The following CTR9 variants were observed in gnomAD, a reference collection of about 807,000 sequenced individuals.
CTR9 encodes the protein RNA polymerase-associated protein CTR9 homolog.
Under a neutral mutation model 152.1 loss-of-function variants are expected in CTR9, and 41 were observed. The ratio of observed to expected loss-of-function variants is 0.27; its 90% CI spans 0.21 to 0.35. The LOEUF is 0.35. Ranked by LOEUF, CTR9 falls within the 10% of genes least tolerant of loss-of-function variation. The probability of loss-of-function intolerance (pLI) is 1.00; values close to 1 mark genes in which losing one functional copy is unlikely to be tolerated. For missense variants in CTR9, 917 were observed against 1,424.4 expected, an observed-to-expected ratio of 0.64 and a Z score of 5.73; for synonymous variants, 476 against 496.2, an observed-to-expected ratio of 0.96 and a Z score of 0.54.
At chr11:10,768,319 G>A in intron 15 of CTR9, 24 bp from the exon 16 acceptor site, 1 of 1,604,586 alleles carries the variant, frequency 6.2e-7, no homozygotes, top group Non-Finnish European at 8.5e-7. Context: ...AAATTGTTAA[G>A]TGTGAACCTT....
intron 12 of CTR9, among the ~76,000 whole-genome samples, chr11:10,765,152 T>C (rs1449692839): frequency 2.0e-5 from 3 of 152,186 alleles, no homozygotes; most frequent in Non-Finnish European, 4.4e-5. Flanking sequence ...TTTCGCAACC[T>C]ATACGTTATA....
chr11:10,775,688 A>G, intron 24 of CTR9, 55 bp downstream of exon 24: 1 of 1,161,876 alleles, frequency 8.6e-7, no homozygotes, highest in Non-Finnish European at 1.3e-6. Context: ...ATCAAAAGTG[A>G]TTACTAATCA....
At chr11:10,757,391 A>G (rs1170462476) in intron 5 of CTR9, among the ~76,000 whole-genome samples, 2 of 152,208 alleles carry the variant, frequency 1.3e-5, no homozygotes, top group African/African-American at 4.8e-5. Context: ...GGAATTTGAG[A>G]CTAGCCTTTG....
chr11:10,774,024 G>A lies in CTR9; in HGVS notation c.2740G>A (p.Gly914Arg). 6.2e-7 allele frequency: 1 copy of A among 1,611,292 alleles called. No individual in the cohort carries two copies. The highest frequency in any genetic ancestry group is 8.5e-7 in the Non-Finnish European group (1 of 1,178,758). Reference protein sequence around the residue: ...GGGGGRRSKKGGEFDEFVNDD... With the variant: ...GGGGGRRSKKRGEFDEFVNDD... ...GTTTGGATTTTAGCGTTCTAAGAAG[G>A]GAGGAGAGTTTGATGAATTTGTCAA... Residue 914 changes from glycine (G) to arginine (R), a missense_variant, in exon 22 of 25, where the codon GGA becomes AGA. Transcript: ENST00000361367.
At chr11:10,778,627 G>A in intron 24 of CTR9, 52 bp from the exon 25 acceptor site, 1 of 1,545,638 alleles carries the variant, frequency 6.5e-7, no homozygotes, top group Non-Finnish European at 8.8e-7. Context: ...TGCTCATCAA[G>A]GCCCCAGTTA....
Position 10,764,295 on chromosome 11 carries a change from CATGAAA to C in CTR9, c.1285-10_1285-5del. The C allele has an allele frequency of 6.2e-7, 1 of 1,613,808 alleles. No homozygotes were observed. Among genetic ancestry groups the C allele is most frequent in the Non-Finnish European group, 8.5e-7 (1 of 1,179,894 alleles). On this transcript the variant is annotated splice_polypyrimidine_tract_variant and splice_region_variant and intron_variant, in intron 10 of 24. Transcript: ENST00000361367. ...TCCACTTACACCTTTTTCTGTCAAT[CATGAAA>C]ATACAGGGTGCCCTTTCAGCCTATG...
At position 10,772,635 on chromosome 11, in the gene CTR9, C is replaced by A; in HGVS notation, c.2560C>A (p.Gln854Lys). 3 of 1,602,802 alleles carry A rather than the reference C, an allele frequency of 1.9e-6. No homozygotes were observed. Among genetic ancestry groups the A allele is most frequent in the Non-Finnish European group, 2.6e-6 (3 of 1,176,222 alleles). ...AGAGCAAGAAAAGGAGCTGTTAAGG[C>A]AGAAACTTCTTAAAGAACAGGTATC... ...KQEQEKELLRQKLLKEQEEKR... is the reference protein window; with the variant it reads ...KQEQEKELLRKKLLKEQEEKR... The change falls in exon 20 of 25, where the codon CAG becomes AAG. Residue 854 changes from glutamine to lysine, a missense_variant. By Grantham distance (53) the Gln-to-Lys change is moderately conservative (BLOSUM62 1). Around this residue, in one of 9 missense-constraint regions of CTR9, gnomAD observed 384 missense variants for 398.4 expected, o/e 0.96. Coordinates refer to ENST00000361367, the MANE Select transcript of CTR9 (RefSeq NM_014633.5).
intron 5 of CTR9, among the ~76,000 whole-genome samples, chr11:10,759,105 TATAG>T (rs1259149361): frequency 1.3e-5 from 2 of 152,114 alleles, no homozygotes; most frequent in Non-Finnish European, 2.9e-5. Context: ...GTCATCAACA[TATAG>T]ATAGTGTATA....
At chr11:10,760,528 T>G (rs1240900658) in intron 6 of CTR9, among the ~76,000 whole-genome samples, 1 of 151,570 alleles carries the variant, frequency 6.6e-6, no homozygotes, top group Non-Finnish European at 1.5e-5. Flanking sequence ...ATAGACTGTT[T>G]ACACTAGTAG....
At chr11:10,778,404 A>G (rs1590030367) in intron 24 of CTR9, among the ~76,000 whole-genome samples, 1 of 152,178 alleles carries the variant, frequency 6.6e-6, no homozygotes, top group African/African-American at 2.4e-5. Context: ...TTCTGATGAA[A>G]AGTGTCCAGT....
chr11:10,771,748 T>G (rs1232767566), intron 19 of CTR9, 132 bp downstream of exon 19: 1 of 610,894 alleles, frequency 1.6e-6, no homozygotes, highest in East Asian at 2.8e-5. Flanking sequence ...TCTTGGGGAC[T>G]CTCTAATCTT....
intron 15 of CTR9, 73 bp downstream of exon 15, chr11:10,768,234 G>C: frequency 6.3e-7 from 1 of 1,575,520 alleles, no homozygotes; most frequent in South Asian, 1.1e-5. Context: ...TTGTAAATCA[G>C]AATTTTTCTT....
Position 10,770,215 on chromosome 11 carries a change from A to G in CTR9, c.2115A>G (p.Glu705=). The change falls in exon 17 of 25, where the codon GAA becomes GAG. Residue 705 remains glutamate, a synonymous_variant. Transcript: ENST00000361367. ...KQYISAVQMY[E]NCLRKFYKHQ... is the part of the protein sequence containing the mutation. Reference sequence around the variant, plus strand: ...ACTTTTTTCTTTTACTGTAGTATGAAAACTGCCTCCGAAAGTTCTATAAGC... The same window carrying G: ...ACTTTTTTCTTTTACTGTAGTATGAGAACTGCCTCCGAAAGTTCTATAAGC... 1 of 1,605,990 alleles carries G rather than the reference A, an allele frequency of 6.2e-7. No individual in the cohort carries two copies. Among genetic ancestry groups the G allele is most frequent in the Non-Finnish European group, 8.5e-7 (1 of 1,177,674 alleles).
intron 2 of CTR9, among the ~76,000 whole-genome samples, chr11:10,754,027 G>A (rs897402501): frequency 6.6e-6 from 1 of 152,178 alleles, no homozygotes; most frequent in Middle Eastern, 3.2e-3. Flanking sequence ...CCAATAGTCA[G>A]TGGTTAATAA....
chr11:10,772,756 A>G, intron 20 of CTR9, 101 bp downstream of exon 20: 1 of 1,223,714 alleles, frequency 8.2e-7, no homozygotes, highest in Non-Finnish European at 1.1e-6. Flanking sequence ...GTGGTGGCTG[A>G]CACCTCTAAT....
chr11:10,756,981 G>A, intron 5 of CTR9, 143 bp downstream of exon 5: 1 of 675,948 alleles, frequency 1.5e-6, no homozygotes, highest in Non-Finnish European at 2.6e-6. Context: ...TTGATGCTAT[G>A]TTTGAGTCAA....
intron 18 of CTR9, 110 bp downstream of exon 18, chr11:10,770,742 C>A: frequency 9.7e-7 from 1 of 1,035,946 alleles, no homozygotes; most frequent in Non-Finnish European, 1.4e-6. Flanking sequence ...CTATTTGTCT[C>A]AAGCTGCTGA....
intron 2 of CTR9, among the ~76,000 whole-genome samples, chr11:10,754,548 G>C (rs910112039): frequency 3.9e-5 from 6 of 152,122 alleles, no homozygotes; most frequent in Admixed American, 3.9e-4. Context: ...CCTTCTGAAA[G>C]TGTCCTCTGT....
chr11:10,757,190 C>A (rs1862899248), intron 5 of CTR9, among the ~76,000 whole-genome samples: 1 of 152,054 alleles, frequency 6.6e-6, no homozygotes. Flanking sequence ...GAGGCTCAGG[C>A]TGGAGGATCG....
Sources: gnomAD v4.1 joint callset for allele counts (sites outside exome capture counted in the v4.1 genomes callset) on GRCh38, gnomAD v4.1.1 for gene constraint, gnomAD v4.1.1 regional missense constraint, MANE v1.5 for transcripts, NCBI Gene and HGNC (gene_info 2026-07-23, HGNC 2026-07-21) for gene names.